NSFL1C: variants seen among roughly 807,000 people sequenced by gnomAD.
NSFL1C encodes NSFL1 cofactor p47.
NSFL1C carries 14 observed loss-of-function variants against 43.1 expected under a neutral mutation model. The observed-to-expected ratio is 0.32, with a 90% confidence interval of 0.21 to 0.51. The LOEUF is 0.51. Among genes scored for constraint, NSFL1C ranks in the 20% least tolerant of loss-of-function variants. The pLI, the probability that NSFL1C is intolerant of heterozygous loss-of-function variation, is 0.98. For missense variants in NSFL1C, 406 were observed against 472.5 expected, an observed-to-expected ratio of 0.86 and a Z score of 1.30; for synonymous variants, 171 against 183.5, an observed-to-expected ratio of 0.93 and a Z score of 0.55.
intron 1 of NSFL1C, among the ~76,000 whole-genome samples, chr20:1,466,197 C>A (rs757615717): frequency 6.6e-6 from 1 of 152,196 alleles, no homozygotes; most frequent in Non-Finnish European, 1.5e-5. Context: ...CCACGAGACT[C>A]CCATTTTACA....
rs1255944000 is a variant in NSFL1C, at chr20:1,458,278, G to A, written c.204-4C>T. On this transcript the variant is annotated splice_region_variant and splice_polypyrimidine_tract_variant and intron_variant, in intron 2 of 8. Coordinates refer to ENST00000216879, the MANE Select transcript of NSFL1C (RefSeq NM_016143.5). ...GAAGGATGTCACTCTATTATCACTG[G>A]AGACACAGAAAGGAGCAAAATGATC... 1 of 1,612,812 alleles carries A rather than the reference G, an allele frequency of 6.2e-7. No individual in the cohort carries two copies. Among genetic ancestry groups the A allele is most frequent in the Non-Finnish European group, 8.5e-7 (1 of 1,178,938 alleles).
chr20:1,463,078 T>A (rs927828481), intron 2 of NSFL1C, among the ~76,000 whole-genome samples: 1 of 152,180 alleles, frequency 6.6e-6, no homozygotes, highest in Non-Finnish European at 1.5e-5. Flanking sequence ...TTTACTTAAG[T>A]GGCAGAGCTG....
At position 1,464,360 on chromosome 20, in the gene NSFL1C, G is replaced by A. The variant is rs902002603; in HGVS notation, c.172C>T (p.Pro58Ser). ...EDIVTISQAT[P>S]SSVSRGTAPS... ...GCTGTGCCTCTGGACACTGAACTGGGGGTTGCCTGCGAAATGGTCACAATG... is the reference window on the plus strand; with the variant it reads ...GCTGTGCCTCTGGACACTGAACTGGAGGTTGCCTGCGAAATGGTCACAATG... The change falls in exon 2 of 9, where the codon CCC (proline) becomes TCC (serine). Residue 58 changes from proline (P) to serine (S), a missense_variant. By Grantham distance (74) the Pro-to-Ser change is moderately conservative. Around this residue, in one of 3 missense-constraint regions of NSFL1C, gnomAD observed 203 missense variants for 216.3 expected, o/e 0.94. Transcript: ENST00000216879. The A allele has an allele frequency of 4.3e-6, 7 of 1,614,256 alleles. No individual in the cohort carries two copies. The highest frequency in any genetic ancestry group is 1.7e-5 in the Admixed American group (1 of 60,028).
At chr20:1,453,375 T>G (rs999865218) in intron 5 of NSFL1C, among the ~76,000 whole-genome samples, 1 of 152,220 alleles carries the variant, frequency 6.6e-6, no homozygotes. Context: ...TTAGGACACC[T>G]GAGGTTGCAT....
intron 7 of NSFL1C, among the ~76,000 whole-genome samples, chr20:1,446,969 A>AT (rs2090072612): frequency 6.6e-6 from 1 of 152,248 alleles, no homozygotes; most frequent in Non-Finnish European, 1.5e-5. Flanking sequence ...GAAAGGCCAC[A>AT]TATTACACTA....
chr20:1,455,232 G>A lies in NSFL1C; in HGVS notation c.279-100C>T, dbSNP rs1028860203. The stretch of plus-strand genomic sequence containing the variant: ...GGCACACTGAGGCAAAGGGTACAAT[G>A]CTTGTCTTTAAAGAATTTACTGGCT... On this transcript the variant is annotated intron_variant, in intron 3 of 8. Coordinates refer to ENST00000216879, the MANE Select transcript of NSFL1C (RefSeq NM_016143.5). The A allele has an allele frequency of 7.5e-6, 10 of 1,339,494 alleles. No individual in the cohort carries two copies. In the African/African-American group the frequency reaches 1.4e-4, roughly 19 times the overall value. The allele number at this position is 1,339,494 out of a possible 1,614,324, so 83.0% of individuals were successfully genotyped here. A position where few individuals can be genotyped will look rare whatever the true frequency, so the allele number is the denominator to read the frequency against.
At chr20:1,461,107 C>T (rs904893815) in intron 2 of NSFL1C, among the ~76,000 whole-genome samples, 3 of 152,192 alleles carry the variant, frequency 2.0e-5, no homozygotes, top group Non-Finnish European at 4.4e-5. Flanking sequence ...TGAACAGTAT[C>T]AGAAGAGAAC....
At chr20:1,456,385 C>G (rs940215879) in intron 3 of NSFL1C, 1 of 152,354 alleles carries the variant, frequency 6.6e-6, no homozygotes, top group Non-Finnish European at 1.5e-5. Flanking sequence ...ATTTTTATAT[C>G]CAGAAGTATC....
intron 7 of NSFL1C, among the ~76,000 whole-genome samples, chr20:1,451,818 T>C (rs137939500): frequency 3.8e-4 from 58 of 152,178 alleles, no homozygotes; most frequent in African/African-American, 1.2e-3. Context: ...TGTCTGTTAG[T>C]AGAGGGTACA....
In NSFL1C at chr20:1,445,819, T is replaced by TG. The variant is rs2090047421; in HGVS notation, c.796dup (p.Gln266ProfsTer15). 6.2e-7 allele frequency: 1 copy of TG among 1,613,834 alleles called. No individual in the cohort carries two copies. The highest frequency in any genetic ancestry group is 8.5e-7 in the Non-Finnish European group (1 of 1,179,942). On this transcript the variant is annotated frameshift_variant, in exon 8 of 9. Transcript: ENST00000216879. LOFTEE classifies it high-confidence loss of function. ...GGCTGGAGAGCTGGTACTCAACACC[T>TG]GGGGGGCAGTGCTGAGGAGAGAGGA...
At position 1,442,788 on chromosome 20, in the gene NSFL1C, G is replaced by A. The variant is rs541604019; in HGVS notation, c.*961C>T. ...CCTCCTGCAAGTACCAACAGTGACA[G>A]GTGCTTGTAGCACAGAAAACTCACC... is the stretch of plus-strand genomic sequence containing the variant. On this transcript the variant is annotated 3_prime_UTR_variant, in exon 9 of 9. Coordinates refer to ENST00000216879, the MANE Select transcript of NSFL1C (RefSeq NM_016143.5). 6.6e-6 allele frequency: 1 copy of A among 152,218 alleles called. No individual in the cohort carries two copies. The highest frequency in any genetic ancestry group is 2.4e-5 in the African/African-American group (1 of 41,436). 9.4% of individuals were successfully genotyped at this position (152,218 alleles called of 1,614,324 possible).
intron 1 of NSFL1C, among the ~76,000 whole-genome samples, chr20:1,464,735 C>T (rs1358846591): frequency 6.6e-6 from 1 of 152,134 alleles, no homozygotes; most frequent in Non-Finnish European, 1.5e-5. Flanking sequence ...ATTTACATGC[C>T]AGGTTGTTCT....
chr20:1,443,760 G>T lies in NSFL1C; in HGVS notation c.1102C>A (p.Arg368=). 1 of 1,614,098 alleles carries T rather than the reference G, an allele frequency of 6.2e-7. No individual in the cohort carries two copies. The highest frequency in any genetic ancestry group is 8.5e-7 in the Non-Finnish European group (1 of 1,179,982). ...ANLLNAVIVQ[R]LT ...AGCTGGCTGGGCGGTTATGTTAACC[G>T]CTGCACGATGACAGCATTGAGCAGG... The change falls in exon 9 of 9, where the codon CGG becomes AGG. Residue 368 remains arginine (R), a synonymous_variant. Coordinates refer to ENST00000216879, the MANE Select transcript of NSFL1C (RefSeq NM_016143.5).
At chr20:1,458,966 G>GT (rs1335615003) in intron 2 of NSFL1C, among the ~76,000 whole-genome samples, 2 of 152,154 alleles carry the variant, frequency 1.3e-5, no homozygotes, top group Non-Finnish European at 2.9e-5. Context: ...AAAAATGAGC[G>GT]TGAGAAGGGT....
At position 1,447,154 on chromosome 20, in the gene NSFL1C, A is replaced by G. The variant is rs561471543; in HGVS notation, c.786-1324T>C. On this transcript the variant is annotated intron_variant, in intron 7 of 8. Transcript: ENST00000216879. ...GAGCTCAGAGGAGAATGTCACCCAC[A>G]TTACTAGCACTAGAGAAGCTGCTTC... Among the ~76,000 whole-genome samples the G allele has an allele frequency of 4.0e-4, 61 of 152,348 alleles. No individual in the cohort carries two copies. In the South Asian group the frequency reaches 8.5e-3, roughly 21 times the overall value.
At chr20:1,459,613 G>T (rs1361091506) in intron 2 of NSFL1C, among the ~76,000 whole-genome samples, 2 of 152,188 alleles carry the variant, frequency 1.3e-5, no homozygotes, top group East Asian at 3.8e-4. Context: ...ACAATCAGGG[G>T]ACAGAAGAGT....
chr20:1,455,510 C>A (rs1454131393), intron 3 of NSFL1C, among the ~76,000 whole-genome samples: 1 of 152,174 alleles, frequency 6.6e-6, no homozygotes, highest in East Asian at 1.9e-4. Flanking sequence ...AGGCTCCTCT[C>A]CAGGAGACAG....
At chr20:1,444,512 C>T (rs530774963) in intron 8 of NSFL1C, among the ~76,000 whole-genome samples, 1 of 152,338 alleles carries the variant, frequency 6.6e-6, no homozygotes, top group East Asian at 1.9e-4. Context: ...CCAGACACTA[C>T]CTGCCTTCTG....
chr20:1,466,100 C>T (rs1053214763), intron 1 of NSFL1C, among the ~76,000 whole-genome samples: 2 of 152,176 alleles, frequency 1.3e-5, no homozygotes, highest in African/African-American at 4.8e-5. Flanking sequence ...CATCAGTGTA[C>T]AAAAATCCCT....
Sources: allele counts gnomAD v4.1 joint callset (sites outside exome capture counted in the v4.1 genomes callset), GRCh38; gene constraint gnomAD v4.1.1; regional missense constraint gnomAD v4.1.1; transcripts MANE v1.5; gene names NCBI Gene and HGNC (gene_info 2026-07-23, HGNC 2026-07-21).